The following MBTPS1 variants were observed in gnomAD, a reference collection of about 807,000 sequenced individuals.
The protein encoded by MBTPS1 is membrane-bound transcription factor site-1 protease.
A neutral mutation model predicts 127.8 loss-of-function variants in MBTPS1; 94 were observed. The ratio of observed to expected loss-of-function variants is 0.74; its 90% CI spans 0.62 to 0.87. The LOEUF (loss-of-function observed/expected upper bound fraction) is 0.87, where lower values mean the gene tolerates loss of function less well. Ranked by LOEUF, MBTPS1 falls within the 40% of genes least tolerant of loss-of-function variation. The pLI is 0.00. For synonymous variants in MBTPS1, 632 were observed against 509.4 expected (o/e 1.24, Z -3.24); for missense variants, 1,636 against 1,353.2 (o/e 1.21, Z -3.28).
rs1477942796 is a variant in MBTPS1, at chr16:84,056,070, C to T, written c.2897G>A (p.Arg966Gln). Residue 966 changes from arginine (R) to glutamine (Q), a missense_variant, in exon 22 of 23, where the codon CGA (arginine) becomes CAA (glutamine). Physicochemically the swap from Arg to Gln is conservative, Grantham distance 43. Transcript: ENST00000343411. ...GGGCCTCACTTGAGGGCGATTCGAT[C>T]GAAAGTTGGGTAACACCACCTTGTC... ...DLDKVVLPNFRSNRPQVRPLS... is the reference protein window; with the variant it reads ...DLDKVVLPNFQSNRPQVRPLS... 4.3e-6 allele frequency: 7 copies of T among 1,614,010 alleles called. No individual in the cohort carries two copies. The highest frequency in any genetic ancestry group is 4.0e-5 in the African/African-American group (3 of 74,928).
intron 20 of MBTPS1, 109 bp downstream of exon 20, chr16:84,060,573 G>C: frequency 7.8e-7 from 1 of 1,290,270 alleles, no homozygotes; most frequent in South Asian, 1.4e-5. Context: ...CCACTCAGCG[G>C]CGCACACAAA....
At position 84,070,731 on chromosome 16, in the gene MBTPS1, C is replaced by G. The variant is rs1251752515; in HGVS notation, c.1639G>C (p.Val547Leu). ...YLPQNGDNIE[V>L]AFSYSSVLWP... ...AAGACCGAGGAGTAGGAGAAGGCAA[C>G]TTCAATGTTGTCTCCGTTCTGTGGC... The change falls in exon 13 of 23, where the codon GTT becomes CTT. Residue 547 changes from valine (V) to leucine (L), a missense_variant. Val to Leu is a conservative substitution (Grantham distance 32). Transcript: ENST00000343411. 6.2e-7 allele frequency: 1 copy of G among 1,614,022 alleles called. No individual in the cohort carries two copies. Among genetic ancestry groups the G allele is most frequent in the South Asian group, 1.1e-5 (1 of 91,070 alleles).
intron 10 of MBTPS1, among the ~76,000 whole-genome samples, chr16:84,084,471 A>G (rs1227288688): frequency 6.6e-6 from 1 of 152,208 alleles, no homozygotes; most frequent in Non-Finnish European, 1.5e-5. Context: ...GGATGTGTTC[A>G]TTCGTTTCAC....
chr16:84,100,372 C>G (rs1404951504), intron 2 of MBTPS1, among the ~76,000 whole-genome samples: 1 of 152,198 alleles, frequency 6.6e-6, no homozygotes, highest in Non-Finnish European at 1.5e-5. Flanking sequence ...TGGAGAAACG[C>G]AGTCTCTACT....
At chr16:84,071,797 G>A (rs2085773135) in intron 12 of MBTPS1, 1 of 152,186 alleles carries the variant, frequency 6.6e-6, no homozygotes. Flanking sequence ...AGGGAAAAGA[G>A]CATCACCTGG....
chr16:84,091,345 G>A, intron 7 of MBTPS1, among the ~76,000 whole-genome samples: 1 of 152,036 alleles, frequency 6.6e-6, no homozygotes, highest in East Asian at 1.9e-4. Context: ...AATTAGCCGG[G>A]CATGGTGGTG....
chr16:84,084,405 A>G (rs1218637296), intron 10 of MBTPS1, among the ~76,000 whole-genome samples: 1 of 152,248 alleles, frequency 6.6e-6, no homozygotes. Flanking sequence ...TATAGAGAAC[A>G]TTAAAAGGTG....
chr16:84,098,534 T>A (rs1219690575), intron 3 of MBTPS1, among the ~76,000 whole-genome samples: 3 of 135,664 alleles, frequency 2.2e-5, no homozygotes, highest in African/African-American at 8.5e-5. Context: ...CACTTGAACC[T>A]GGGTGGAGGT....
chr16:84,065,764 T>G lies in MBTPS1; in HGVS notation c.2357A>C (p.Tyr786Ser). The G allele has an allele frequency of 6.3e-7, 1 of 1,595,546 alleles. No individual in the cohort carries two copies. The highest frequency in any genetic ancestry group is 8.5e-7 in the Non-Finnish European group (1 of 1,172,290). Residue 786 changes from tyrosine to serine, a missense_variant, in exon 18 of 23, where the codon TAT (tyrosine) becomes TCT (serine). Coordinates refer to ENST00000343411, the MANE Select transcript of MBTPS1 (RefSeq NM_003791.4). The stretch of plus-strand genomic sequence containing the variant: ...CGCGATGCTGCACCCTGACGCATAA[T>G]ACACTAGGAAAGAGTGTTCAAAGTC... ...GEFTLANHDM[Y>S]YASGCSIAKF...
intron 18 of MBTPS1, among the ~76,000 whole-genome samples, chr16:84,064,900 C>A (rs1019337169): frequency 6.6e-6 from 1 of 152,116 alleles, no homozygotes; most frequent in African/African-American, 2.4e-5. Flanking sequence ...CTCTTTTCAT[C>A]GTTTTCAACT....
intron 21 of MBTPS1, among the ~76,000 whole-genome samples, chr16:84,058,768 G>A (rs927065343): frequency 1.1e-4 from 17 of 152,286 alleles, no homozygotes; most frequent in African/African-American, 3.6e-4. Context: ...GGATCCAGGC[G>A]GCACTGCAAA....
At chr16:84,066,809 T>G (rs1397700620) in intron 16 of MBTPS1, among the ~76,000 whole-genome samples, 196 bp from the exon 17 acceptor site, 1 of 152,208 alleles carries the variant, frequency 6.6e-6, no homozygotes, top group African/African-American at 2.4e-5. Context: ...TAGAATTAAT[T>G]AAAGCAAAAT....
At chr16:84,084,160 T>C (rs2085984259) in intron 10 of MBTPS1, among the ~76,000 whole-genome samples, 1 of 152,284 alleles carries the variant, frequency 6.6e-6, no homozygotes, top group East Asian at 1.9e-4. Context: ...GGTTTCACCA[T>C]GTTGATCAGG....
At chr16:84,072,892 G>A (rs892200291) in intron 12 of MBTPS1, among the ~76,000 whole-genome samples, 2 of 152,184 alleles carry the variant, frequency 1.3e-5, no homozygotes, top group Non-Finnish European at 2.9e-5. Flanking sequence ...GACAGAATTT[G>A]GTAGGATGTG....
chr16:84,055,985 CA>C lies in MBTPS1; in HGVS notation c.2962+19del, dbSNP rs764621995. The stretch of plus-strand genomic sequence containing the variant: ...AATACAGGATGACTGAGCACAATCA[CA>C]AAGCAGCCGAGAACTCACCTCCAGG... On this transcript the variant is annotated intron_variant, in intron 22 of 22. Coordinates refer to ENST00000343411, the MANE Select transcript of MBTPS1 (RefSeq NM_003791.4). 10 of 1,603,650 alleles carry C rather than the reference CA, an allele frequency of 6.2e-6. No individual in the cohort carries two copies. The African/African-American group carries it at 1.3e-4, about 21-fold the overall frequency.
Position 84,099,193 on chromosome 16 carries a change from G to A in MBTPS1, c.281C>T (p.Ser94Phe). ...CTCAAAATCACTAGGGTAGTCACTG[G>A]ATGGATTGTTTCGAGGTATAATTCT... is the stretch of plus-strand genomic sequence containing the variant. The part of the protein sequence containing the change: ...NWRIIPRNNP[S>F]SDYPSDFEVI... Residue 94 changes from serine (S) to phenylalanine (F), a missense_variant, in exon 3 of 23, where the codon TCC becomes TTC. Physicochemically the swap from Ser to Phe is radical, Grantham distance 155. Coordinates refer to ENST00000343411, the MANE Select transcript of MBTPS1 (RefSeq NM_003791.4). The A allele has an allele frequency of 6.2e-7, 1 of 1,614,090 alleles. No homozygotes were observed. Among genetic ancestry groups the A allele is most frequent in the Non-Finnish European group, 8.5e-7 (1 of 1,180,012 alleles).
intron 9 of MBTPS1, chr16:84,086,634 G>C (rs1450501360): frequency 6.6e-6 from 1 of 152,264 alleles, no homozygotes; most frequent in African/African-American, 2.4e-5. Context: ...TTCCCAGGCA[G>C]TTGGGAATCT....
intron 11 of MBTPS1, among the ~76,000 whole-genome samples, chr16:84,076,815 T>C (rs1297394310): frequency 6.6e-6 from 1 of 152,224 alleles, no homozygotes; most frequent in Non-Finnish European, 1.5e-5. Flanking sequence ...TATAAAAATA[T>C]TACTTCTAAG....
chr16:84,087,688 C>G (rs938426168), intron 8 of MBTPS1, among the ~76,000 whole-genome samples: 2 of 152,094 alleles, frequency 1.3e-5, no homozygotes, highest in Non-Finnish European at 1.5e-5. Context: ...TGCAACGCCC[C>G]TCCTTTCTTC....
Sources: allele counts gnomAD v4.1 joint callset (sites outside exome capture counted in the v4.1 genomes callset), GRCh38; gene constraint gnomAD v4.1.1; transcripts MANE v1.5; gene names NCBI Gene and HGNC (gene_info 2026-07-23, HGNC 2026-07-21).